MAP3K9: variants seen among roughly 807,000 people sequenced by gnomAD.
MAP3K9 encodes mitogen-activated protein kinase kinase kinase 9, also known as mixed lineage kinase 1 (tyr and ser/thr specificity).
Under a neutral mutation model 95.8 loss-of-function variants are expected in MAP3K9, and 46 were observed. The ratio of observed to expected loss-of-function variants is 0.48; its 90% CI spans 0.38 to 0.61. The LOEUF (loss-of-function observed/expected upper bound fraction) is 0.61. Ranked by LOEUF, MAP3K9 falls within the 20% of genes least tolerant of loss-of-function variation. MAP3K9 has a pLI of 0.00. For synonymous variants in MAP3K9, 533 were observed against 593.8 expected (o/e 0.90, Z 1.49); for missense variants, 1,296 against 1,474.3 (o/e 0.88, Z 1.98).
chr14:70,739,900 A>G (rs1320636549), intron 7 of MAP3K9, 142 bp downstream of exon 7: 1 of 1,609,470 alleles, frequency 6.2e-7, no homozygotes, highest in Non-Finnish European at 8.5e-7. Flanking sequence ...TTGCGTACAT[A>G]TGTGCATGTA....
At chr14:70,755,682 T>C (rs1456649265) in intron 3 of MAP3K9, among the ~76,000 whole-genome samples, 6 of 152,174 alleles carry the variant, frequency 3.9e-5, no homozygotes, top group African/African-American at 2.4e-5. Context: ...TGGAGCTACT[T>C]AGATGGGTAA....
chr14:70,803,637 G>T (rs771896808), intron 1 of MAP3K9, among the ~76,000 whole-genome samples: 1 of 152,086 alleles, frequency 6.6e-6, no homozygotes, highest in Non-Finnish European at 1.5e-5. Flanking sequence ...AATGCAACTG[G>T]CAGTCTGCAC....
chr14:70,802,523 G>A (rs1175869461), intron 1 of MAP3K9, among the ~76,000 whole-genome samples: 1 of 152,180 alleles, frequency 6.6e-6, no homozygotes, highest in South Asian at 2.1e-4. Flanking sequence ...AGCAAAGTGT[G>A]TTTTGTTTCT....
At chr14:70,806,886 T>A (rs568566909) in intron 1 of MAP3K9, among the ~76,000 whole-genome samples, 1 of 152,376 alleles carries the variant, frequency 6.6e-6, no homozygotes, top group South Asian at 2.1e-4. Context: ...AGGCTATTCA[T>A]ATTTCTTCCA....
At chr14:70,757,197 C>T (rs779770503) in intron 3 of MAP3K9, among the ~76,000 whole-genome samples, 4 of 152,040 alleles carry the variant, frequency 2.6e-5, no homozygotes, top group Admixed American at 1.3e-4. Context: ...TAGGGCCAGG[C>T]GCAGTGGCTC....
intron 1 of MAP3K9, among the ~76,000 whole-genome samples, chr14:70,802,279 G>A (rs1162520676): frequency 6.6e-6 from 1 of 152,164 alleles, no homozygotes; most frequent in Non-Finnish European, 1.5e-5. Context: ...ACATGGGAAA[G>A]GAGCCTCATA....
Position 70,726,095 on chromosome 14 carries a change from C to G in MAP3K9, c.*4285G>C, listed in dbSNP as rs529855323. ...AACACGGTTTCAACCCCAAGGTGTA[C>G]CATTCACAGCCATCCAGTCTTCAGT... On this transcript the variant is annotated 3_prime_UTR_variant, in exon 12 of 12. Transcript: ENST00000554752. 18 of 152,366 alleles carry G rather than the reference C, an allele frequency of 1.2e-4. No homozygotes were observed. The highest frequency in any genetic ancestry group is 3.8e-4 in the African/African-American group (16 of 41,590). The allele number at this position is 152,366 out of a possible 1,614,324, so 9.4% of individuals were successfully genotyped here.
chr14:70,809,266 C>A lies in MAP3K9; in HGVS notation c.-95G>T. On this transcript the variant is annotated 5_prime_UTR_variant, in exon 1 of 12. Transcript: ENST00000554752. ...GCCTCCGCAGAGCTGGGAGGACCCCCCCCCAACGACGGCGGCCGCAGGTAG... is the reference window on the plus strand; with the variant it reads ...GCCTCCGCAGAGCTGGGAGGACCCCACCCCAACGACGGCGGCCGCAGGTAG... 1 of 1,239,170 alleles carries A rather than the reference C, an allele frequency of 8.1e-7. No individual in the cohort carries two copies. The highest frequency in any genetic ancestry group is 1.0e-6 in the Non-Finnish European group (1 of 991,986). The allele number at this position is 1,239,170 out of a possible 1,614,324, so 76.8% of individuals were successfully genotyped here.
intron 7 of MAP3K9, 85 bp from the exon 8 acceptor site, chr14:70,738,483 C>T: frequency 8.2e-7 from 1 of 1,212,990 alleles, no homozygotes; most frequent in Non-Finnish European, 1.2e-6. Flanking sequence ...CACACACACA[C>T]ACACATTTGG....
At chr14:70,738,430 A>G (rs761401727) in intron 7 of MAP3K9, 32 bp from the exon 8 acceptor site, 2 of 1,608,296 alleles carry the variant, frequency 1.2e-6, no homozygotes, top group Non-Finnish European at 1.7e-6. Flanking sequence ...TAGGATCTAG[A>G]AAATGGACAG....
At chr14:70,779,741 T>C (rs186650307) in intron 2 of MAP3K9, among the ~76,000 whole-genome samples, 111 of 152,366 alleles carry the variant, frequency 7.3e-4, no homozygotes, top group Non-Finnish European at 1.3e-3. Flanking sequence ...TGACTGCTAC[T>C]AACTAGACCA....
chr14:70,773,421 T>C (rs1456057291), intron 2 of MAP3K9, among the ~76,000 whole-genome samples: 2 of 152,156 alleles, frequency 1.3e-5, no homozygotes, highest in Non-Finnish European at 2.9e-5. Flanking sequence ...GGATTAATGA[T>C]AGGAAAAGAG....
At chr14:70,748,798 G>T in intron 5 of MAP3K9, 31 bp downstream of exon 5, 3 of 1,570,664 alleles carry the variant, frequency 1.9e-6, no homozygotes, top group African/African-American at 1.4e-5. Flanking sequence ...CTTTTCGTTC[G>T]TTTTTTTGTT....
chr14:70,734,862 A>T lies in MAP3K9; in HGVS notation c.1914-364T>A, dbSNP rs534469552. Among the ~76,000 whole-genome samples, 18 of 152,362 alleles carry T rather than the reference A, an allele frequency of 1.2e-4. No homozygotes were observed. In the South Asian group the frequency reaches 3.3e-3, roughly 28 times the overall value. The stretch of plus-strand genomic sequence containing the variant: ...TCGAAGCAGACACTGGACACAACAC[A>T]TTCATGGCATGACAGTTACGGTGAT... On this transcript the variant is annotated intron_variant, in intron 9 of 11. Coordinates refer to ENST00000554752, the MANE Select transcript of MAP3K9 (RefSeq NM_001284230.2).
At chr14:70,744,294 A>C (rs1258793176) in intron 5 of MAP3K9, among the ~76,000 whole-genome samples, 2 of 152,134 alleles carry the variant, frequency 1.3e-5, no homozygotes, top group Non-Finnish European at 2.9e-5. Flanking sequence ...GTATGTAACA[A>C]AACTGCACAT....
At chr14:70,768,631 A>T (rs1242267654) in intron 2 of MAP3K9, among the ~76,000 whole-genome samples, 1 of 152,180 alleles carries the variant, frequency 6.6e-6, no homozygotes, top group Non-Finnish European at 1.5e-5. Context: ...AGGCCATCCC[A>T]TTAGGAGGTC....
intron 2 of MAP3K9, among the ~76,000 whole-genome samples, chr14:70,770,158 G>A (rs564275981): frequency 4.6e-5 from 7 of 152,204 alleles, no homozygotes; most frequent in African/African-American, 1.4e-4. Context: ...GTAATTGCGA[G>A]AGTGGGACTC....
At chr14:70,734,291 G>C (rs2053953488) in intron 10 of MAP3K9, 95 bp downstream of exon 10, 1 of 828,716 alleles carries the variant, frequency 1.2e-6, no homozygotes, top group Non-Finnish European at 2.1e-6. Context: ...CCATGAAGCA[G>C]TGCTAGGGGT....
At chr14:70,799,649 G>A (rs2139858557) in intron 2 of MAP3K9, among the ~76,000 whole-genome samples, 1 of 152,280 alleles carries the variant, frequency 6.6e-6, no homozygotes, top group African/African-American at 2.4e-5. Context: ...TTAAAATGTA[G>A]TTTTTAAAGT....
Sources: gnomAD v4.1 joint callset for allele counts (sites outside exome capture counted in the v4.1 genomes callset) on GRCh38, gnomAD v4.1.1 for gene constraint, MANE v1.5 for transcripts, NCBI Gene and HGNC (gene_info 2026-07-23, HGNC 2026-07-21) for gene names.